The following MED13L variants were observed in gnomAD, a reference collection of about 807,000 sequenced individuals.
MED13L encodes mediator of RNA polymerase II transcription subunit 13-like.
Under a neutral mutation model 220.9 loss-of-function variants are expected in MED13L, and 7 were observed. The observed-to-expected ratio is 0.03, with a 90% CI of 0.02 to 0.06. The LOEUF is 0.06. MED13L is among the 10% of genes least tolerant of loss of function. The pLI is 1.00. For synonymous variants in MED13L, 1,011 were observed against 1,015.2 expected, an observed-to-expected ratio of 1.00 and a Z score of 0.08; for missense variants, 1,965 against 2,760.5, an observed-to-expected ratio of 0.71 and a Z score of 6.46.
At chr12:116,031,759 A>AGAAAAGAAAGAAGGAAG (rs1592967502) in intron 4 of MED13L, among the ~76,000 whole-genome samples, 31 of 40,986 alleles carry the variant, frequency 7.6e-4, no homozygotes, top group South Asian at 2.0e-3. Context: ...AGAAAAGAAA[A>AGAAAAGAAAGAAGGAAG]GAAGGAAGGA....
At chr12:116,268,610 C>G (rs1263314700) in intron 1 of MED13L, among the ~76,000 whole-genome samples, 1 of 151,698 alleles carries the variant, frequency 6.6e-6, no homozygotes, top group African/African-American at 2.4e-5. Context: ...CATAGTGAGA[C>G]CCTATCTCCC....
chr12:116,026,192 C>T (rs557496029), intron 4 of MED13L, among the ~76,000 whole-genome samples: 2 of 152,028 alleles, frequency 1.3e-5, no homozygotes, highest in African/African-American at 4.8e-5. Flanking sequence ...CTCGTATATG[C>T]AAAATAACAG....
At chr12:116,089,357 G>A (rs1434870048) in intron 4 of MED13L, among the ~76,000 whole-genome samples, 3 of 151,958 alleles carry the variant, frequency 2.0e-5, no homozygotes, top group South Asian at 2.1e-4. Flanking sequence ...AGCACCCGGC[G>A]ATTTTCACTA....
At chr12:116,139,970 C>CAAA (rs36124478) in intron 2 of MED13L, among the ~76,000 whole-genome samples, 41 of 63,738 alleles carry the variant, frequency 6.4e-4, no homozygotes, top group African/African-American at 1.2e-3. Flanking sequence ...AACTCCATCT[C>CAAA]AAAAAAAAAA....
At chr12:116,114,721 G>GA (rs35988278) in intron 2 of MED13L, among the ~76,000 whole-genome samples, 1 of 151,884 alleles carries the variant, frequency 6.6e-6, no homozygotes, top group Non-Finnish European at 1.5e-5. Flanking sequence ...AGAATTAACA[G>GA]AAAAAATCTA....
At chr12:116,013,554 A>G (rs536576653) in intron 8 of MED13L, among the ~76,000 whole-genome samples, 4 of 152,330 alleles carry the variant, frequency 2.6e-5, no homozygotes, top group South Asian at 2.1e-4. Flanking sequence ...TCTAAAAAAA[A>G]ATCTGAAATC....
At chr12:116,031,761 AAGG>A (rs1169697497) in intron 4 of MED13L, among the ~76,000 whole-genome samples, 2 of 123,750 alleles carry the variant, frequency 1.6e-5, no homozygotes. Flanking sequence ...AAAAGAAAAG[AAGG>A]AAGGAAGGAA....
At chr12:116,113,720 G>C (rs1170706375) in intron 2 of MED13L, among the ~76,000 whole-genome samples, 3 of 128,944 alleles carry the variant, frequency 2.3e-5, no homozygotes, top group Non-Finnish European at 5.0e-5. Context: ...AAGAGGGGAA[G>C]AGGGAGAGAG....
At chr12:116,143,579 T>G (rs1877260566) in intron 2 of MED13L, among the ~76,000 whole-genome samples, 1 of 152,158 alleles carries the variant, frequency 6.6e-6, no homozygotes, top group Non-Finnish European at 1.5e-5. Context: ...TCACATTAAT[T>G]TATACTTCCT....
At chr12:116,193,597 G>A (rs1443678888) in intron 2 of MED13L, among the ~76,000 whole-genome samples, 4 of 124,218 alleles carry the variant, frequency 3.2e-5, no homozygotes, top group Non-Finnish European at 6.6e-5. Flanking sequence ...AAGATTTAGT[G>A]TAAAGTAGAA....
intron 2 of MED13L, among the ~76,000 whole-genome samples, chr12:116,143,875 C>T (rs148528745): frequency 6.6e-6 from 1 of 152,230 alleles, no homozygotes; most frequent in East Asian, 1.9e-4. Flanking sequence ...AAACTATTTC[C>T]AAGAAGAAAA....
At chr12:116,257,337 T>C (rs1872147120) in intron 1 of MED13L, among the ~76,000 whole-genome samples, 1 of 152,316 alleles carries the variant, frequency 6.6e-6, no homozygotes, top group African/African-American at 2.4e-5. Context: ...GATAACAACA[T>C]GCCCACTTAA....
Position 116,277,549 on chromosome 12 carries a change from C to G in MED13L, c.-418G>C, listed in dbSNP as rs1356870896. On this transcript the variant is annotated 5_prime_UTR_variant, in exon 1 of 31. Transcript: ENST00000281928. ...GCCGCCGCCGCGGAGCGCGAACTCGCGAAGGGGGGGGTGCGGACGAAGCCA... is the reference window on the plus strand; with the variant it reads ...GCCGCCGCCGCGGAGCGCGAACTCGGGAAGGGGGGGGTGCGGACGAAGCCA... Among the ~76,000 whole-genome samples, 1 of 149,386 alleles carries G rather than the reference C, an allele frequency of 6.7e-6. No individual in the cohort carries two copies. Among genetic ancestry groups the G allele is most frequent in the Non-Finnish European group, 1.5e-5 (1 of 66,872 alleles).
At chr12:116,031,484 CA>C (rs1273006392) in intron 4 of MED13L, among the ~76,000 whole-genome samples, 1 of 150,794 alleles carries the variant, frequency 6.6e-6, no homozygotes, top group African/African-American at 2.4e-5. Flanking sequence ...CCCAGCTACT[CA>C]GGAGGCTGAG....
At chr12:115,963,699 C>T (rs1275414593) in intron 29 of MED13L, among the ~76,000 whole-genome samples, 180 bp from the exon 30 acceptor site, 4 of 151,996 alleles carry the variant, frequency 2.6e-5, no homozygotes, top group Non-Finnish European at 2.9e-5. Flanking sequence ...AACTTCTTAT[C>T]CTAGAGTTGG....
intron 3 of MED13L, among the ~76,000 whole-genome samples, chr12:116,102,636 A>T (rs1211005250): frequency 1.3e-5 from 2 of 151,750 alleles, no homozygotes; most frequent in South Asian, 2.1e-4. Flanking sequence ...CAAATAAAAT[A>T]AACCTACATA....
intron 19 of MED13L, among the ~76,000 whole-genome samples, chr12:115,984,912 A>C (rs1242550680): frequency 2.0e-5 from 3 of 151,912 alleles, no homozygotes; most frequent in Non-Finnish European, 4.4e-5. Context: ...TCTGCTATTA[A>C]TCTCCATGAC....
chr12:115,986,675 G>A (rs979853989), intron 18 of MED13L, among the ~76,000 whole-genome samples, 186 bp from the exon 19 acceptor site: 1 of 151,918 alleles, frequency 6.6e-6, no homozygotes, highest in African/African-American at 2.4e-5. Context: ...TCTTAATTAA[G>A]TAAGTCAGAA....
rs1225544786 is a variant in MED13L, at chr12:115,975,526, A to G, written c.5577T>C (p.Ala1859=). 1 of 1,613,998 alleles carries G rather than the reference A, an allele frequency of 6.2e-7. No homozygotes were observed. Among genetic ancestry groups the G allele is most frequent in the South Asian group, 1.1e-5 (1 of 91,074 alleles). ...TCAAGTCTTCTCACCTGTTTGGTAA[A>G]GCAATATTTACAACGCAGGTCTCTA... ...ELLETCVVNI[A]LPNRSRRSKV... is the part of the protein sequence containing the mutation. The change falls in exon 24 of 31, where the codon GCT becomes GCC. Residue 1859 remains alanine (A), a synonymous_variant. Transcript: ENST00000281928.
Sources: allele counts gnomAD v4.1 joint callset (sites outside exome capture counted in the v4.1 genomes callset), GRCh38; gene constraint gnomAD v4.1.1; transcripts MANE v1.5; gene names NCBI Gene and HGNC (gene_info 2026-07-23, HGNC 2026-07-21).